Variants in EDIL3 observed in about 807,000 individuals in gnomAD.
EDIL3 encodes EGF like and discoidin domains 3.
A neutral mutation model predicts 67.4 loss-of-function variants in EDIL3; 37 were observed. The observed-to-expected ratio is 0.55, with a 90% confidence interval of 0.42 to 0.72. The LOEUF is 0.72. Among genes scored for constraint, EDIL3 ranks in the 30% least tolerant of loss-of-function variants. The probability of loss-of-function intolerance (pLI) is 0.00; values close to 1 mark genes in which losing one functional copy is unlikely to be tolerated. For synonymous variants in EDIL3, 195 were observed against 196.3 expected, an observed-to-expected ratio of 0.99 and a Z score of 0.05; for missense variants, 527 against 586.3, an observed-to-expected ratio of 0.90 and a Z score of 1.04.
intron 1 of EDIL3, among the ~76,000 whole-genome samples, chr5:84,327,556 T>G (rs78388703): frequency 0.016 from 2,391 of 152,162 alleles, 70 homozygotes; most frequent in African/African-American, 0.055. Flanking sequence ...AATGTCTTAT[T>G]TCTACACATG....
chr5:84,093,937 T>G (rs1217783389), intron 6 of EDIL3, among the ~76,000 whole-genome samples: 2 of 152,068 alleles, frequency 1.3e-5, no homozygotes, highest in Admixed American at 1.3e-4. Flanking sequence ...GGATTACAGG[T>G]TTGGGCCACC....
intron 1 of EDIL3, among the ~76,000 whole-genome samples, chr5:84,345,855 C>T (rs1278360577): frequency 1.3e-5 from 2 of 152,018 alleles, no homozygotes; most frequent in East Asian, 3.9e-4. Flanking sequence ...TTCAAAACTT[C>T]TAAAAATAGG....
chr5:84,093,618 T>G (rs927812354), intron 6 of EDIL3, among the ~76,000 whole-genome samples: 1 of 150,110 alleles, frequency 6.7e-6, no homozygotes, highest in African/African-American at 2.4e-5. Flanking sequence ...CACTGGGTAC[T>G]CAAAGTGGGA....
intron 8 of EDIL3, among the ~76,000 whole-genome samples, chr5:84,061,563 C>T (rs1459427484): frequency 1.3e-5 from 2 of 152,114 alleles, no homozygotes; most frequent in Non-Finnish European, 2.9e-5. Context: ...ATACTTTCTC[C>T]TCACACTCTA....
intron 1 of EDIL3, among the ~76,000 whole-genome samples, chr5:84,325,639 T>A (rs2112160108): frequency 6.6e-6 from 1 of 152,164 alleles, no homozygotes; most frequent in Admixed American, 6.5e-5. Context: ...CTTCTGAGAA[T>A]GTACCCAAAA....
Position 84,260,357 on chromosome 5 carries a change from G to C in EDIL3, c.68-6145C>G, listed in dbSNP as rs2081406093. Reference sequence around the variant, plus strand: ...GGAACAGGAAGTGGTCAGCCCTCATGATAGGTAAGACAGAGATGATTTCAG... The same window carrying C: ...GGAACAGGAAGTGGTCAGCCCTCATCATAGGTAAGACAGAGATGATTTCAG... On this transcript the variant is annotated intron_variant, in intron 1 of 10. Coordinates refer to ENST00000296591, the MANE Select transcript of EDIL3 (RefSeq NM_005711.5). Among the ~76,000 whole-genome samples the C allele has an allele frequency of 1.3e-5, 2 of 152,192 alleles. 1 individual carries two copies. The highest frequency in any genetic ancestry group is 2.9e-5 in the Non-Finnish European group (2 of 68,034).
Position 84,369,754 on chromosome 5 carries a change from T to A in EDIL3, c.67+14554A>T, listed in dbSNP as rs1461445323. Reference sequence around the variant, plus strand: ...CATGATTGACATAGTAAATTTCATGTTATGTGCATTTTACTATAATAATTA... The same window carrying A: ...CATGATTGACATAGTAAATTTCATGATATGTGCATTTTACTATAATAATTA... On this transcript the variant is annotated intron_variant, in intron 1 of 10. Coordinates refer to ENST00000296591, the MANE Select transcript of EDIL3 (RefSeq NM_005711.5). 2.6e-5 allele frequency among the ~76,000 whole-genome samples: 4 copies of A among 152,278 alleles called. 1 individual carries two copies. In the East Asian group the frequency reaches 7.7e-4, roughly 29 times the overall value.
chr5:84,287,182 C>A (rs934790069), intron 1 of EDIL3, among the ~76,000 whole-genome samples: 5 of 152,078 alleles, frequency 3.3e-5, no homozygotes, highest in African/African-American at 1.2e-4. Context: ...CTGTATTTAT[C>A]CACTTGCCTT....
intron 1 of EDIL3, among the ~76,000 whole-genome samples, chr5:84,324,744 A>G (rs1331295309): frequency 2.0e-5 from 3 of 151,858 alleles, no homozygotes; most frequent in Non-Finnish European, 4.4e-5. Context: ...CAAATTCTAT[A>G]GAAATAATAA....
At chr5:84,104,320 A>G (rs1747419722) in intron 6 of EDIL3, among the ~76,000 whole-genome samples, 1 of 151,894 alleles carries the variant, frequency 6.6e-6, no homozygotes, top group Non-Finnish European at 1.5e-5. Context: ...CTGTACAACA[A>G]AAACCCCATG....
rs1272728317 is a variant in EDIL3 at position 84,142,739 on chromosome 5, CA to C, written c.356-5386del. Among the ~76,000 whole-genome samples, 4 of 151,766 alleles carry C rather than the reference CA, an allele frequency of 2.6e-5. No homozygotes were observed. The East Asian group carries it at 7.7e-4, about 29-fold the overall frequency. On this transcript the variant is annotated intron_variant, in intron 4 of 10. Transcript: ENST00000296591. Reference sequence around the variant, plus strand: ...TCATAAGTAAGTACATTGAGGCCCCCAAGAACATCAAGAAGGAACATGGTTC... The same window carrying C: ...TCATAAGTAAGTACATTGAGGCCCCCAGAACATCAAGAAGGAACATGGTTC...
At chr5:84,204,029 T>A (rs1743906575) in intron 3 of EDIL3, among the ~76,000 whole-genome samples, 1 of 152,208 alleles carries the variant, frequency 6.6e-6, no homozygotes, top group Admixed American at 6.6e-5. Context: ...CCGCTTTTGT[T>A]GTTTTGTACT....
At chr5:84,207,863 G>A (rs868132971) in intron 3 of EDIL3, among the ~76,000 whole-genome samples, 44 of 151,862 alleles carry the variant, frequency 2.9e-4, no homozygotes, top group Middle Eastern at 3.2e-3. Context: ...GCTGAAACTG[G>A]ATCCCTTCCT....
At chr5:84,032,621 T>G (rs1280473185) in intron 9 of EDIL3, among the ~76,000 whole-genome samples, 2 of 152,156 alleles carry the variant, frequency 1.3e-5, no homozygotes, top group African/African-American at 4.8e-5. Context: ...AATAATAGTT[T>G]GGAAGAAAAG....
At chr5:84,071,749 A>C (rs1321087872) in intron 6 of EDIL3, among the ~76,000 whole-genome samples, 3 of 152,204 alleles carry the variant, frequency 2.0e-5, no homozygotes, top group Non-Finnish European at 4.4e-5. Context: ...AGAAATAGTA[A>C]AAACTAATTT....
intron 1 of EDIL3, among the ~76,000 whole-genome samples, chr5:84,342,178 G>GA: frequency 6.6e-6 from 1 of 152,190 alleles, no homozygotes; most frequent in Admixed American, 6.5e-5. Flanking sequence ...TTCAGCCATG[G>GA]AAAAGAATAA....
intron 9 of EDIL3, among the ~76,000 whole-genome samples, chr5:84,014,901 G>A (rs1348450902): frequency 4.6e-5 from 7 of 152,178 alleles, no homozygotes; most frequent in Non-Finnish European, 1.0e-4. Flanking sequence ...ACCATAGCAT[G>A]AATTGATACG....
intron 1 of EDIL3, among the ~76,000 whole-genome samples, chr5:84,332,404 T>A (rs1026310090): frequency 3.9e-5 from 6 of 152,176 alleles, no homozygotes; most frequent in African/African-American, 1.4e-4. Context: ...TAATTGGAAC[T>A]GAATACTGCG....
chr5:84,116,809 G>A (rs1377477362), intron 5 of EDIL3, among the ~76,000 whole-genome samples: 1 of 152,076 alleles, frequency 6.6e-6, no homozygotes, highest in African/African-American at 2.4e-5. Context: ...ATTTAATAGA[G>A]TAACAATTTT....
Sources: allele counts gnomAD v4.1 joint callset (sites outside exome capture counted in the v4.1 genomes callset), GRCh38; gene constraint gnomAD v4.1.1; transcripts MANE v1.5; gene names NCBI Gene and HGNC (gene_info 2026-07-23, HGNC 2026-07-21).